MSL3: variants seen among roughly 807,000 people sequenced by gnomAD.
MSL3 encodes the protein MSL3-like 1.
In MSL3, 5 loss-of-function variants were observed where a neutral mutation model predicts 37.2. The ratio of observed to expected loss-of-function variants is 0.13; its 90% confidence interval spans 0.07 to 0.28. MSL3 has a LOEUF of 0.28. Ranked by LOEUF, MSL3 falls within the 10% of genes least tolerant of loss-of-function variation. The pLI is 1.00. For synonymous variants in MSL3, 149 were observed against 147.6 expected, an observed-to-expected ratio of 1.01 and a Z score of -0.07; for missense variants, 315 against 408.5, an observed-to-expected ratio of 0.77 and a Z score of 1.97.
chrX:11,760,352 G>C, intron 2 of MSL3, 51 bp from the exon 3 acceptor site: 1 of 906,371 alleles, frequency 1.1e-6, no homozygotes, highest in Non-Finnish European at 1.5e-6. Flanking sequence ...ACTTTTAGTC[G>C]TTGTTTCATA....
At chrX:11,770,573 C>T (rs970696650) in intron 10 of MSL3, among the ~76,000 whole-genome samples, 2 of 111,275 alleles carry the variant, frequency 1.8e-5, no homozygotes, top group Non-Finnish European at 3.8e-5. Flanking sequence ...TTCTTACGTA[C>T]GTCTACCACC....
intron 1 of MSL3, among the ~76,000 whole-genome samples, chrX:11,759,103 C>T (rs1916074372): frequency 9.0e-6 from 1 of 111,685 alleles, no homozygotes; most frequent in African/African-American, 3.3e-5. Flanking sequence ...AGGAAAGCAC[C>T]CAGGTGCTTT....
chrX:11,767,313 G>T (rs1394951753), intron 9 of MSL3: 14 of 724,360 alleles, frequency 1.9e-5, no homozygotes, highest in Non-Finnish European at 2.1e-5. Context: ...GCTTGATTGA[G>T]ATATAATCCA....
intron 7 of MSL3, 74 bp from the exon 8 acceptor site, chrX:11,763,706 C>G: frequency 1.1e-6 from 1 of 921,656 alleles, no homozygotes; most frequent in Non-Finnish European, 1.5e-6. Flanking sequence ...TATTAAAAAT[C>G]GGCAACTTCA....
intron 9 of MSL3, chrX:11,766,657 G>C (rs748034736): frequency 2.7e-6 from 2 of 753,017 alleles, no homozygotes; most frequent in Non-Finnish European, 3.1e-6. Context: ...GGTGCCTCGC[G>C]GGCTCAGTGA....
intron 12 of MSL3, 50 bp from the exon 13 acceptor site, chrX:11,774,930 G>A: frequency 1.1e-6 from 1 of 907,674 alleles, no homozygotes; most frequent in Non-Finnish European, 1.6e-6. Flanking sequence ...TTTGCTTGAT[G>A]GTATTTAGTC....
chrX:11,770,975 C>G (rs1315003078), intron 10 of MSL3, among the ~76,000 whole-genome samples: 2 of 112,257 alleles, frequency 1.8e-5, no homozygotes, highest in Admixed American at 9.4e-5. Context: ...TCCCTTCCCT[C>G]AGTGCTCCAC....
At chrX:11,765,754 G>C (rs1011300169) in intron 9 of MSL3, 25 bp downstream of exon 9, 7 of 1,205,596 alleles carry the variant, frequency 5.8e-6, no homozygotes, top group Non-Finnish European at 7.8e-6. Context: ...GGGTGCCCCA[G>C]GCCGGGGAGA....
intron 10 of MSL3, among the ~76,000 whole-genome samples, chrX:11,771,707 G>C (rs2053233037): frequency 9.0e-6 from 1 of 111,666 alleles, no homozygotes; most frequent in African/African-American, 3.3e-5. Context: ...AGCCTCCCAA[G>C]TAGCTGGGAT....
intron 9 of MSL3, 170 bp downstream of exon 9, chrX:11,765,899 C>T: frequency 9.0e-7 from 1 of 1,105,384 alleles, no homozygotes; most frequent in Non-Finnish European, 1.2e-6. Flanking sequence ...AAAGTTGAAA[C>T]ACCTGGCGCA....
In MSL3 at chrX:11,768,637, T is replaced by A; in HGVS notation, c.1236T>A (p.Ala412=). The stretch of plus-strand genomic sequence containing the variant: ...TGACTCCTAGCAAGGAAGGGAGTGC[T>A]GTGTTTGCTGGCTTTGAAGGGAGAA... ...IPLTPSKEGS[A]VFAGFEGRRT... The change falls in exon 10 of 13, where the codon GCT becomes GCA. Residue 412 remains alanine, a synonymous_variant. Transcript: ENST00000312196. 8.3e-7 allele frequency: 1 copy of A among 1,207,166 alleles called. No individual in the cohort carries two copies. The highest frequency in any genetic ancestry group is 1.1e-6 in the Non-Finnish European group (1 of 891,092).
intron 7 of MSL3, 89 bp from the exon 8 acceptor site, chrX:11,763,691 T>C (rs2053153604): frequency 1.4e-6 from 1 of 717,652 alleles, no homozygotes; most frequent in South Asian, 2.8e-5. Flanking sequence ...GATTTAAAAC[T>C]GCCCTATTAA....
chrX:11,774,339 A>G (rs1231645598), intron 12 of MSL3, among the ~76,000 whole-genome samples: 1 of 111,641 alleles, frequency 9.0e-6, no homozygotes, highest in Non-Finnish European at 1.9e-5. Flanking sequence ...TTTATTTTTG[A>G]GACGGAGTCT....
In MSL3 at chrX:11,759,931, A is replaced by T. The variant is rs2053114182; in HGVS notation, c.185+56A>T. The T allele has an allele frequency of 3.5e-6, 4 of 1,150,026 alleles. No individual in the cohort carries two copies. In the African/African-American group the frequency reaches 7.1e-5, roughly 21 times the overall value. 94.8% of individuals were successfully genotyped at this position (1,150,026 alleles called of 1,213,427 possible). On this transcript the variant is annotated intron_variant, in intron 2 of 12. Transcript: ENST00000312196. ...TTGATTGTCTTTGCTGCATAGAAACATTGCAGACTTAAGTTTCAGAAACAC... is the reference window on the plus strand; with the variant it reads ...TTGATTGTCTTTGCTGCATAGAAACTTTGCAGACTTAAGTTTCAGAAACAC...
At chrX:11,768,401 T>C (rs764831201) in intron 9 of MSL3, 172 bp from the exon 10 acceptor site, 5 of 412,911 alleles carry the variant, frequency 1.2e-5, no homozygotes, top group Non-Finnish European at 2.1e-5. Context: ...GCTTTATTCC[T>C]TATTTTTTTA....
chrX:11,760,569 TATAAA>T (rs1443190671), intron 3 of MSL3, 71 bp downstream of exon 3: 2 of 738,169 alleles, frequency 2.7e-6, no homozygotes, highest in African/African-American at 4.4e-5. Context: ...ATTTTTATGA[TATAAA>T]AGTAATACAA....
Position 11,761,658 on chromosome X carries a change from G to T in MSL3, c.465+76G>T, listed in dbSNP as rs749051607. The T allele has an allele frequency of 6.4e-5, 35 of 544,084 alleles. No individual in the cohort carries two copies. In the South Asian group the frequency reaches 1.4e-3, roughly 21 times the overall value. 44.8% of individuals were successfully genotyped at this position (544,084 alleles called of 1,213,427 possible). On this transcript the variant is annotated intron_variant, in intron 5 of 12. Coordinates refer to ENST00000312196, the MANE Select transcript of MSL3 (RefSeq NM_078629.4). ...TAAAAATTCACAGTGAAATACTCCA[G>T]TTGTGAATTGTTTTCTAAAGATACA...
In MSL3 at chrX:11,775,356, G is replaced by A. The variant is rs1200464919; in HGVS notation, c.*277G>A. On this transcript the variant is annotated 3_prime_UTR_variant, in exon 13 of 13. Coordinates refer to ENST00000312196, the MANE Select transcript of MSL3 (RefSeq NM_078629.4). ...TTCACAGTGAAATATTCGTGGAATA[G>A]GTTAGGCCATTTCAGTAGACATTGC... The A allele has an allele frequency of 7.5e-6, 2 of 265,483 alleles. No individual in the cohort carries two copies. Among genetic ancestry groups the A allele is most frequent in the East Asian group, 6.5e-5 (1 of 15,403 alleles). 21.9% of individuals were successfully genotyped at this position (265,483 alleles called of 1,213,427 possible).
chrX:11,762,017 G>A (rs891985232), intron 5 of MSL3, 113 bp from the exon 6 acceptor site: 11 of 573,514 alleles, frequency 1.9e-5, no homozygotes, highest in South Asian at 4.5e-5. Flanking sequence ...ATTAGAACAC[G>A]TGGCATACTA....
Sources: allele counts gnomAD v4.1 joint callset (sites outside exome capture counted in the v4.1 genomes callset), GRCh38; gene constraint gnomAD v4.1.1; transcripts MANE v1.5; gene names NCBI Gene and HGNC (gene_info 2026-07-23, HGNC 2026-07-21).